The following ART5 variants were observed in gnomAD, a reference collection of about 807,000 sequenced individuals.
ART5 encodes the protein ecto-ADP-ribosyltransferase 5.
ART5 carries 22 observed loss-of-function variants against 25.0 expected under a neutral mutation model. The ratio of observed to expected loss-of-function variants is 0.88; its 90% confidence interval spans 0.63 to 1.26. The LOEUF (loss-of-function observed/expected upper bound fraction) is 1.26, where lower values mean the gene tolerates loss of function less well. ART5 is among the 50% of genes most tolerant of loss of function. The pLI, the probability that ART5 is intolerant of heterozygous loss-of-function variation, is 0.00. For missense variants in ART5, 402 were observed against 372.8 expected, an observed-to-expected ratio of 1.08 and a Z score of -0.64; for synonymous variants, 161 against 154.8, an observed-to-expected ratio of 1.04 and a Z score of -0.30.
chr11:3,638,794 C>T lies in ART5; in HGVS notation c.821-1G>A. 6.2e-7 allele frequency: 1 copy of T among 1,614,160 alleles called. No homozygotes were observed. The highest frequency in any genetic ancestry group is 8.5e-7 in the Non-Finnish European group (1 of 1,180,022). The stretch of plus-strand genomic sequence containing the variant: ...TGAAGGTCACCCGTTCCCAGGGCTC[C>T]TAAGTGGCAGATGTTGGACTTTCAG... On this transcript the variant is annotated splice_acceptor_variant, in intron 3 of 3. Transcript: ENST00000397068. LOFTEE classifies it high-confidence loss of function.
chr11:3,642,298 C>T (rs2077417457), upstream of ART5: 2 of 1,014,470 alleles, frequency 2.0e-6, no homozygotes, highest in East Asian at 9.7e-5. Flanking sequence ...AACTGTAGCC[C>T]CCGCGCTGGT....
At chr11:3,640,567 CTTTTTTTT>C (rs33933264) in intron 1 of ART5, among the ~76,000 whole-genome samples, 196 bp from the exon 2 acceptor site, 25 of 126,890 alleles carry the variant, frequency 2.0e-4, no homozygotes, top group Non-Finnish European at 2.3e-4. Context: ...GGACTGAAAT[CTTTTTTTT>C]TTTTTTTTTT....
Position 3,640,374 on chromosome 11 carries a change from G to A in ART5, c.58-3C>T. The A allele has an allele frequency of 1.3e-6, 2 of 1,584,676 alleles. No individual in the cohort carries two copies. Among genetic ancestry groups the A allele is most frequent in the South Asian group, 1.1e-5 (1 of 87,160 alleles). ...GGCAGGATGGGAACAGCCTGGGCCTGTGGAGCAAAAGAGGTGCCACACCGA... is the reference window on the plus strand; with the variant it reads ...GGCAGGATGGGAACAGCCTGGGCCTATGGAGCAAAAGAGGTGCCACACCGA... On this transcript the variant is annotated splice_polypyrimidine_tract_variant and splice_region_variant and intron_variant, in intron 1 of 3. Transcript: ENST00000397068.
upstream of ART5, chr11:3,642,160 C>T (rs1375076430): frequency 9.7e-5 from 121 of 1,245,456 alleles, no homozygotes; most frequent in Non-Finnish European, 1.2e-4. Flanking sequence ...AGGGGAGGGC[C>T]GGGGGCGGAG....
Position 3,640,120 on chromosome 11 carries a change from C to G in ART5, c.309G>C (p.Ser103=). 1 of 1,614,192 alleles carries G rather than the reference C, an allele frequency of 6.2e-7. No individual in the cohort carries two copies. Among genetic ancestry groups the G allele is most frequent in the Non-Finnish European group, 8.5e-7 (1 of 1,180,042 alleles). ...GATTCAACTCCCAGTACAAGGTGTT[C>G]GATGAGTTGGTGTAGACCATAATGG... ...GIAIMVYTNS[S]NTLYWELNQA... Residue 103 remains serine, a synonymous_variant, in exon 2 of 4, where the codon TCG becomes TCC. Coordinates refer to ENST00000397068, the MANE Select transcript of ART5 (RefSeq NM_053017.5).
chr11:3,640,098 T>A lies in ART5; in HGVS notation c.331A>T (p.Asn111Tyr), dbSNP rs780801593. Residue 111 changes from asparagine to tyrosine, a missense_variant, in exon 2 of 4, where the codon AAT (asparagine) becomes TAT (tyrosine). By Grantham distance (143) the Asn-to-Tyr change is moderately radical. Transcript: ENST00000397068. ...NSSNTLYWELNQAVRTGGGSR... is the reference protein window; with the variant it reads ...NSSNTLYWELYQAVRTGGGSR... ...CCTCCGCCCGTCCGCACGGCCTGATTCAACTCCCAGTACAAGGTGTTCGAT... is the reference window on the plus strand; with the variant it reads ...CCTCCGCCCGTCCGCACGGCCTGATACAACTCCCAGTACAAGGTGTTCGAT... 1 of 1,614,110 alleles carries A rather than the reference T, an allele frequency of 6.2e-7. No homozygotes were observed. The highest frequency in any genetic ancestry group is 1.3e-5 in the African/African-American group (1 of 74,950).
chr11:3,642,359 C>G (rs1420008802), upstream of ART5: 6 of 916,420 alleles, frequency 6.5e-6, no homozygotes, highest in Non-Finnish European at 7.9e-6. Flanking sequence ...AGCGGGCGCG[C>G]CAGGGCAGGG....
chr11:3,642,314 G>A (rs1199552216), upstream of ART5: 62 of 1,004,482 alleles, frequency 6.2e-5, no homozygotes, highest in Non-Finnish European at 7.1e-5. Flanking sequence ...CTGGTAACCC[G>A]ACACCCCTTT....
intron 1 of ART5, among the ~76,000 whole-genome samples, chr11:3,641,464 G>A (rs1042368115): frequency 6.6e-6 from 1 of 152,200 alleles, no homozygotes; most frequent in African/African-American, 2.4e-5. Context: ...TGGGGTAGGG[G>A]TGGTGGGGAG....
rs1049504292 is a variant in ART5 at position 3,640,081 on chromosome 11, C to T, written c.348G>A (p.Thr116=). Residue 116 remains threonine, a synonymous_variant, in exon 2 of 4, where the codon ACG becomes ACA. Transcript: ENST00000397068. ...TGTAGAGCTCCCGGGAGCCTCCGCCCGTCCGCACGGCCTGATTCAACTCCC... is the reference window on the plus strand; with the variant it reads ...TGTAGAGCTCCCGGGAGCCTCCGCCTGTCCGCACGGCCTGATTCAACTCCC... ...LYWELNQAVR[T]GGGSRELYMR... is the part of the protein sequence containing the mutation. The T allele has an allele frequency of 4.3e-6, 7 of 1,614,060 alleles. No individual in the cohort carries two copies. The African/African-American group carries it at 5.3e-5, about 12-fold the overall frequency.
Position 3,640,239 on chromosome 11 carries a change from G to A in ART5, c.190C>T (p.Leu64=). Residue 64 remains leucine (L), a synonymous_variant, in exon 2 of 4, where the codon CTG becomes TTG. Transcript: ENST00000397068. The part of the protein sequence containing the change: ...LKEEMAHHAL[L]RESWEAAQET... ...TGGGCTGCCTCCCAGGATTCCCGCAGCAGGGCATGGTGGGCCATTTCCTCC... is the reference window on the plus strand; with the variant it reads ...TGGGCTGCCTCCCAGGATTCCCGCAACAGGGCATGGTGGGCCATTTCCTCC... 6.2e-7 allele frequency: 1 copy of A among 1,613,802 alleles called. No homozygotes were observed. The highest frequency in any genetic ancestry group is 8.5e-7 in the Non-Finnish European group (1 of 1,180,046).
Position 3,640,384 on chromosome 11 carries a change from A to G in ART5, c.58-13T>C, listed in dbSNP as rs1439400694. Reference sequence around the variant, plus strand: ...GAACAGCCTGGGCCTGTGGAGCAAAAGAGGTGCCACACCGAAAAGAGCATA... The same window carrying G: ...GAACAGCCTGGGCCTGTGGAGCAAAGGAGGTGCCACACCGAAAAGAGCATA... On this transcript the variant is annotated splice_polypyrimidine_tract_variant and intron_variant, in intron 1 of 3. Transcript: ENST00000397068. 2.5e-6 allele frequency: 4 copies of G among 1,575,590 alleles called. No individual in the cohort carries two copies. The highest frequency in any genetic ancestry group is 3.4e-6 in the Non-Finnish European group (4 of 1,162,006).
intron 1 of ART5, among the ~76,000 whole-genome samples, chr11:3,641,412 G>A (rs1167702512): frequency 6.6e-6 from 1 of 152,214 alleles, no homozygotes; most frequent in Non-Finnish European, 1.5e-5. Context: ...ATCACTGTGA[G>A]CTCTGAGACG....
intron 1 of ART5, among the ~76,000 whole-genome samples, 163 bp downstream of exon 1, chr11:3,641,643 G>A (rs554016542): frequency 6.6e-6 from 1 of 152,256 alleles, no homozygotes; most frequent in East Asian, 1.9e-4. Context: ...GGAACTTGGG[G>A]CTCCCTGCAG....
At position 3,640,333 on chromosome 11, in the gene ART5, T is replaced by C. The variant is rs2077377044; in HGVS notation, c.96A>G (p.Pro32=). 6.4e-7 allele frequency: 1 copy of C among 1,567,926 alleles called. No homozygotes were observed. Among genetic ancestry groups the C allele is most frequent in the Non-Finnish European group, 8.6e-7 (1 of 1,163,828 alleles). ...AVPILPLGLA[P]DTFDDTYVGC... ...CCACATAGGTATCGTCAAAGGTGTCTGGAGCCAGGCCCAGGGGCAGGATGG... is the reference window on the plus strand; with the variant it reads ...CCACATAGGTATCGTCAAAGGTGTCCGGAGCCAGGCCCAGGGGCAGGATGG... Residue 32 remains proline (P), a synonymous_variant, in exon 2 of 4, where the codon CCA becomes CCG. Coordinates refer to ENST00000397068, the MANE Select transcript of ART5 (RefSeq NM_053017.5).
In ART5 at chr11:3,641,968, C is replaced by T. The variant is rs534992067; in HGVS notation, c.-106G>A. On this transcript the variant is annotated 5_prime_UTR_variant, in exon 1 of 4. Coordinates refer to ENST00000397068, the MANE Select transcript of ART5 (RefSeq NM_053017.5). ...GGCAGATCTGGACCCTGTCTCCAGG[C>T]GCACGGGATCCCGGGTCCAGGATTA... The T allele has an allele frequency of 1.9e-5, 28 of 1,497,184 alleles. No individual in the cohort carries two copies. The highest frequency in any genetic ancestry group is 2.4e-5 in the Non-Finnish European group (27 of 1,121,370). The allele number at this position is 1,497,184 out of a possible 1,614,324, so 92.7% of individuals were successfully genotyped here.
upstream of ART5, chr11:3,642,180 G>T: frequency 8.2e-7 from 1 of 1,216,232 alleles, no homozygotes; most frequent in Non-Finnish European, 1.0e-6. Context: ...GGACCCACTT[G>T]AAGGCTGCGG....
chr11:3,640,041 AG>A lies in ART5; in HGVS notation c.387del (p.Phe130SerfsTer8). The A allele has an allele frequency of 6.2e-7, 1 of 1,614,170 alleles. No individual in the cohort carries two copies. The highest frequency in any genetic ancestry group is 8.5e-7 in the Non-Finnish European group (1 of 1,180,042). ...ATCAGGTAGAAATGCAGGGCCTTGA[AG>A]GGAAAGTGCCTCATGTAGAGCTCCC... ...GSRELYMRHF[P>X]FKALHFYLIR... On this transcript the variant is annotated frameshift_variant, in exon 2 of 4. Transcript: ENST00000397068. LOFTEE classifies it high-confidence loss of function.
Position 3,640,163 on chromosome 11 carries a change from T to G in ART5, c.266A>C (p.Lys89Thr). 1.9e-6 allele frequency: 3 copies of G among 1,614,128 alleles called. No individual in the cohort carries two copies. The highest frequency in any genetic ancestry group is 2.5e-6 in the Non-Finnish European group (3 of 1,180,040). The change falls in exon 2 of 4, where the codon AAA (lysine) becomes ACA (threonine). Residue 89 changes from lysine (K) to threonine (T), a missense_variant. Transcript: ENST00000397068. Reference sequence around the variant, plus strand: ...CATAATGGCTATTCCATTCTGGGCTTTGAAGCCAGGGGGCAAGGTAAGCCC... The same window carrying G: ...CATAATGGCTATTCCATTCTGGGCTGTGAAGCCAGGGGGCAAGGTAAGCCC... The part of the protein sequence containing the change: ...RRGLTLPPGF[K>T]AQNGIAIMVY...
Sources: gnomAD v4.1 joint callset for allele counts (sites outside exome capture counted in the v4.1 genomes callset) on GRCh38, gnomAD v4.1.1 for gene constraint, MANE v1.5 for transcripts, NCBI Gene and HGNC (gene_info 2026-07-23, HGNC 2026-07-21) for gene names.